The following TENM3 variants were observed in gnomAD, a reference collection of about 807,000 sequenced individuals.
TENM3 encodes the protein teneurin transmembrane protein 3.
TENM3 carries 63 observed loss-of-function variants against 255.1 expected under a neutral mutation model. That is an observed-to-expected ratio of 0.25 (90% confidence interval 0.20 to 0.30). The LOEUF is 0.30. Among genes scored for constraint, TENM3 ranks in the 10% least tolerant of loss-of-function variants. The probability of loss-of-function intolerance (pLI) is 1.00; values close to 1 mark genes in which losing one functional copy is unlikely to be tolerated. For missense variants in TENM3, 2,929 were observed against 3,461.1 expected (o/e 0.85, Z 3.86); for synonymous variants, 1,306 against 1,322.3 (o/e 0.99, Z 0.27).
the TENM3 span, among the ~76,000 whole-genome samples, chr4:181,983,438 A>G: frequency 6.6e-6 from 1 of 152,124 alleles, no homozygotes; most frequent in East Asian, 1.9e-4. Context: ...GGCTTAGTAT[A>G]TAATTGCTTA....
chr4:182,059,411 A>C, the TENM3 span, among the ~76,000 whole-genome samples: 1 of 152,098 alleles, frequency 6.6e-6, no homozygotes, highest in African/African-American at 2.4e-5. Context: ...AGTGCATCAC[A>C]AATTCTTTTT....
intron 1 of TENM3, among the ~76,000 whole-genome samples, chr4:182,210,665 C>T (rs1281704961): frequency 4.1e-5 from 6 of 146,464 alleles, no homozygotes; most frequent in Non-Finnish European, 8.9e-5. Flanking sequence ...CTTCTCAAAA[C>T]TCCATGTTCA....
the TENM3 span, among the ~76,000 whole-genome samples, chr4:181,951,302 T>C: frequency 6.6e-6 from 1 of 152,208 alleles, no homozygotes; most frequent in Non-Finnish European, 1.5e-5. Flanking sequence ...TTTACTTTTG[T>C]TAACCCTGGA....
rs370011267 is a variant in TENM3, at chr4:182,160,157, C to T, written c.-76+15403C>T. On this transcript the variant is annotated intron_variant, in intron 1 of 2. Coordinates refer to the TENM3 transcript ENST00000512480. ...AGCTGGGACTACAGGCGCCCGCCACCACGCCTGGCTAATTTTATGTATTTT... is the reference window on the plus strand; with the variant it reads ...AGCTGGGACTACAGGCGCCCGCCACTACGCCTGGCTAATTTTATGTATTTT... Among the ~76,000 whole-genome samples the T allele has an allele frequency of 6.0e-3, 855 of 143,292 alleles. 6 individuals are homozygous for T. Among genetic ancestry groups the T allele is most frequent in the Non-Finnish European group, 8.9e-3 (561 of 62,854 alleles). The allele number at this position is 143,292 out of a possible 152,430, so 94.0% of individuals were successfully genotyped here.
intron 6 of TENM3, among the ~76,000 whole-genome samples, chr4:182,660,966 A>G (rs115526032): frequency 6.6e-6 from 1 of 152,196 alleles, no homozygotes; most frequent in Non-Finnish European, 1.5e-5. Context: ...CTAAAGGGGC[A>G]GTAAGACACA....
chr4:181,480,858 T>G, the TENM3 span, among the ~76,000 whole-genome samples: 1 of 150,222 alleles, frequency 6.7e-6, no homozygotes, highest in African/African-American at 2.4e-5. Flanking sequence ...TTAGAACTGT[T>G]CATGTGTGTC....
At chr4:181,707,276 G>T in the TENM3 span, among the ~76,000 whole-genome samples, 9 of 152,118 alleles carry the variant, frequency 5.9e-5, no homozygotes, top group East Asian at 1.2e-3. Flanking sequence ...TTGTACTTTG[G>T]GTTTTATAAT....
At chr4:181,859,241 T>C in the TENM3 span, among the ~76,000 whole-genome samples, 2 of 14,528 alleles carry the variant, frequency 1.4e-4, no homozygotes, top group African/African-American at 3.1e-4. Context: ...AGACTCGGTC[T>C]CAAAAAAAAA....
At chr4:182,099,312 T>G in the TENM3 span, among the ~76,000 whole-genome samples, 3 of 152,128 alleles carry the variant, frequency 2.0e-5, no homozygotes, top group South Asian at 4.2e-4. Context: ...ATTAAAAAAT[T>G]AATTAAAAAC....
chr4:181,514,309 C>G, the TENM3 span, among the ~76,000 whole-genome samples: 1 of 152,158 alleles, frequency 6.6e-6, no homozygotes. Context: ...CTTTGGTTCA[C>G]TGACTTACTC....
intron 3 of TENM3, among the ~76,000 whole-genome samples, chr4:182,445,746 T>C (rs1772864006): frequency 6.6e-6 from 1 of 152,204 alleles, no homozygotes; most frequent in South Asian, 2.1e-4. Context: ...TCATTTAATA[T>C]TCCAAGTATG....
intron 22 of TENM3, among the ~76,000 whole-genome samples, chr4:182,763,724 G>T (rs1435773826): frequency 6.6e-6 from 1 of 152,210 alleles, no homozygotes; most frequent in Non-Finnish European, 1.5e-5. Flanking sequence ...GGAGCAGAAT[G>T]TGAGTGTCTA....
intron 3 of TENM3, among the ~76,000 whole-genome samples, chr4:182,475,781 T>C (rs767174454): frequency 1.3e-5 from 2 of 151,308 alleles, no homozygotes; most frequent in Non-Finnish European, 3.0e-5. Context: ...ATGGTTTTAA[T>C]GTCTGTCTGT....
chr4:182,024,744 C>T, the TENM3 span, among the ~76,000 whole-genome samples: 41 of 152,180 alleles, frequency 2.7e-4, no homozygotes, highest in African/African-American at 9.9e-4. Context: ...TTGTTACAGT[C>T]ACCCTGTTGT....
chr4:181,727,608 C>T, the TENM3 span, among the ~76,000 whole-genome samples: 4 of 152,006 alleles, frequency 2.6e-5, no homozygotes, highest in East Asian at 1.9e-4. Flanking sequence ...AGAAAGCTGG[C>T]GTTTAGAATA....
chr4:182,346,995 C>CCG lies in TENM3; in HGVS notation c.511+66_511+67insCG. 4 of 845,776 alleles carry CCG rather than the reference C, an allele frequency of 4.7e-6. No individual in the cohort carries two copies. The South Asian group carries it at 7.6e-5, about 16-fold the overall frequency. 52.4% of individuals were successfully genotyped at this position (845,776 alleles called of 1,614,324 possible). A position where few individuals can be genotyped will look rare whatever the true frequency, so the allele number is the denominator to read the frequency against. ...CTTCTGTCTGTTTTGGTTGACTCCG[C>CCG]GGGGGGGGATGTTTTTCTTTCTCTC... On this transcript the variant is annotated intron_variant, in intron 3 of 27. Coordinates refer to ENST00000511685, the MANE Select transcript of TENM3 (RefSeq NM_001080477.4).
the TENM3 span, among the ~76,000 whole-genome samples, chr4:181,902,060 A>G: frequency 6.6e-6 from 1 of 152,118 alleles, no homozygotes. Context: ...CTTTGCATAA[A>G]AATCTGGGAG....
At chr4:182,543,133 G>A (rs932464845) in intron 3 of TENM3, among the ~76,000 whole-genome samples, 1 of 152,094 alleles carries the variant, frequency 6.6e-6, no homozygotes, top group Non-Finnish European at 1.5e-5. Context: ...CTCGATGGAT[G>A]CATGGATGCA....
chr4:182,132,418 G>A, the TENM3 span, among the ~76,000 whole-genome samples: 14,469 of 148,492 alleles, frequency 0.097, 951 homozygotes, highest in South Asian at 0.16. Flanking sequence ...GGGAGGTGGA[G>A]GTTGCAGTGA....
Sources: allele counts gnomAD v4.1 joint callset (sites outside exome capture counted in the v4.1 genomes callset), GRCh38; gene constraint gnomAD v4.1.1; transcripts MANE v1.5; gene names NCBI Gene and HGNC (gene_info 2026-07-23, HGNC 2026-07-21).